The following F8 variants were observed in gnomAD, a reference collection of about 807,000 sequenced individuals.
F8 encodes antihemophilic factor.
Under a neutral mutation model 140.6 loss-of-function variants are expected in F8, and 12 were observed. The observed-to-expected ratio is 0.09, with a 90% CI of 0.05 to 0.14. The LOEUF is 0.14. Among genes scored for constraint, F8 ranks in the 10% least tolerant of loss-of-function variants. F8 has a pLI of 1.00. For synonymous variants in F8, 585 were observed against 614.6 expected (o/e 0.95, Z 0.71); for missense variants, 1,354 against 1,720.7 (o/e 0.79, Z 3.77).
intron 10 of F8, among the ~76,000 whole-genome samples, chrX:154,958,319 A>G (rs1287981415): frequency 8.9e-6 from 1 of 111,928 alleles, no homozygotes; most frequent in East Asian, 2.8e-4. Context: ...AATATCTTCA[A>G]AAGGGATAAA....
chrX:154,862,998 C>T, intron 23 of F8, 85 bp downstream of exon 23: 1 of 1,065,323 alleles, frequency 9.4e-7, no homozygotes, highest in Non-Finnish European at 1.3e-6. Flanking sequence ...CCGGGAACCC[C>T]TCCCCCAGTC....
chrX:154,894,128 G>A (rs1311275420), intron 22 of F8, among the ~76,000 whole-genome samples: 1 of 111,455 alleles, frequency 9.0e-6, no homozygotes, highest in African/African-American at 3.3e-5. Flanking sequence ...CGCCTTTCTG[G>A]ACCAAATCAG....
intron 6 of F8, among the ~76,000 whole-genome samples, chrX:154,982,683 G>A (rs782327784): frequency 4.5e-5 from 5 of 110,453 alleles, no homozygotes; most frequent in East Asian, 2.8e-4. Context: ...TAAAATTAAC[G>A]GTAGTAGCCA....
chrX:154,906,400 T>C lies in F8; in HGVS notation c.5373+20A>G, dbSNP rs782220941. 8.4e-6 allele frequency: 10 copies of C among 1,186,189 alleles called. No homozygotes were observed. In the South Asian group the frequency reaches 1.7e-4, roughly 20 times the overall value. ...ATATATAAAATTAATTTTCTTGTAA[T>C]TCCACTGTCCTTAACTCACCATGAT... On this transcript the variant is annotated intron_variant, in intron 15 of 25. Coordinates refer to ENST00000360256, the MANE Select transcript of F8 (RefSeq NM_000132.4).
intron 1 of F8, among the ~76,000 whole-genome samples, chrX:155,021,327 G>C (rs1557287499): frequency 9.0e-6 from 1 of 110,852 alleles, no homozygotes; most frequent in Non-Finnish European, 1.9e-5. Flanking sequence ...CAAACAGAAA[G>C]AACCAAAAAG....
At chrX:154,937,737 C>T (rs1385478965) in intron 13 of F8, among the ~76,000 whole-genome samples, 2 of 111,090 alleles carry the variant, frequency 1.8e-5, no homozygotes, top group Non-Finnish European at 3.8e-5. Context: ...AAGACCTGTA[C>T]ACTAAAATTT....
chrX:154,982,240 G>A (rs1367615848), intron 6 of F8, among the ~76,000 whole-genome samples: 9 of 106,169 alleles, frequency 8.5e-5, no homozygotes, highest in Non-Finnish European at 1.5e-4. Flanking sequence ...GAGGTCAGGA[G>A]ATCGAGACCA....
intron 14 of F8, among the ~76,000 whole-genome samples, chrX:154,926,612 C>T (rs1359374628): frequency 9.0e-6 from 1 of 111,490 alleles, no homozygotes; most frequent in East Asian, 2.8e-4. Context: ...TGGGGCTCAA[C>T]CAATCCACCT....
chrX:155,011,536 G>A (rs782743597), intron 1 of F8, among the ~76,000 whole-genome samples: 3 of 112,421 alleles, frequency 2.7e-5, no homozygotes, highest in South Asian at 7.3e-4. Flanking sequence ...ATGTGACCTA[G>A]CAATTATATT....
intron 25 of F8, among the ~76,000 whole-genome samples, chrX:154,846,107 A>G (rs1302733711): frequency 5.4e-5 from 6 of 112,082 alleles, no homozygotes; most frequent in Non-Finnish European, 7.5e-5. Flanking sequence ...GCGGTTTTGA[A>G]TGAGTTTCTT....
chrX:154,993,213 G>A, intron 3 of F8, 65 bp from the exon 4 acceptor site: 1 of 936,078 alleles, frequency 1.1e-6, no homozygotes. Context: ...AACATGTCAA[G>A]TTTATTGTCA....
chrX:154,975,046 A>G (rs984737868), intron 6 of F8, among the ~76,000 whole-genome samples: 21 of 111,295 alleles, frequency 1.9e-4, no homozygotes, highest in Non-Finnish European at 3.8e-4. Flanking sequence ...AACTCATTAT[A>G]CTGATCTTTT....
chrX:154,900,673 CG>C (rs782233279), intron 20 of F8, among the ~76,000 whole-genome samples: 1 of 112,382 alleles, frequency 8.9e-6, no homozygotes, highest in African/African-American at 3.2e-5. Flanking sequence ...AAAACTCTCA[CG>C]CCTCCTTTTC....
intron 25 of F8, among the ~76,000 whole-genome samples, chrX:154,858,890 C>G (rs1403558547): frequency 8.9e-6 from 1 of 112,269 alleles, no homozygotes; most frequent in Admixed American, 9.4e-5. Flanking sequence ...TTTACTTGGT[C>G]ATAAGGTGCC....
intron 14 of F8, 147 bp downstream of exon 14, chrX:154,928,424 T>C (rs2073171407): frequency 1.8e-6 from 1 of 544,178 alleles, no homozygotes; most frequent in African/African-American, 2.3e-5. Flanking sequence ...TCTACCCTCT[T>C]GTAAACCTCT....
At chrX:154,999,145 C>T (rs1195658127) in intron 2 of F8, among the ~76,000 whole-genome samples, 1 of 110,831 alleles carries the variant, frequency 9.0e-6, no homozygotes, top group Non-Finnish European at 1.9e-5. Context: ...AGTTCTAAAT[C>T]GATAGGCTGA....
chrX:154,897,819 G>A (rs2072989866), intron 21 of F8: 1 of 112,446 alleles, frequency 8.9e-6, no homozygotes, highest in Non-Finnish European at 1.9e-5. Flanking sequence ...CTACAATAAA[G>A]CCTTGGCAGC....
At chrX:154,917,885 T>G (rs1457377195) in intron 14 of F8, among the ~76,000 whole-genome samples, 1 of 112,271 alleles carries the variant, frequency 8.9e-6, no homozygotes, top group African/African-American at 3.2e-5. Context: ...AATTATTGAT[T>G]TGAGAGCTAC....
At chrX:154,914,383 C>A (rs1434433715) in intron 14 of F8, among the ~76,000 whole-genome samples, 2 of 112,810 alleles carry the variant, frequency 1.8e-5, no homozygotes, top group African/African-American at 6.4e-5. Context: ...ATATAAATTT[C>A]TGTAGCTGGG....
Sources: allele counts gnomAD v4.1 joint callset (sites outside exome capture counted in the v4.1 genomes callset), GRCh38; gene constraint gnomAD v4.1.1; transcripts MANE v1.5; gene names NCBI Gene and HGNC (gene_info 2026-07-23, HGNC 2026-07-21).